Variants in ERBB4 observed in about 807,000 individuals in gnomAD.
The protein encoded by ERBB4 is erb-b2 receptor tyrosine kinase 4.
A neutral mutation model predicts 158.0 loss-of-function variants in ERBB4; 42 were observed. That is an observed-to-expected ratio of 0.27 (90% CI 0.21 to 0.34). The LOEUF (loss-of-function observed/expected upper bound fraction) is 0.34, where lower values mean the gene tolerates loss of function less well. Among genes scored for constraint, ERBB4 ranks in the 10% least tolerant of loss-of-function variants. The pLI is 1.00. For synonymous variants in ERBB4, 583 were observed against 558.7 expected, an observed-to-expected ratio of 1.04 and a Z score of -0.61; for missense variants, 1,333 against 1,624.1, an observed-to-expected ratio of 0.82 and a Z score of 3.08.
At chr2:211,977,531 T>TTAAAAAAAAAAAAA (rs1445827351) in intron 2 of ERBB4, among the ~76,000 whole-genome samples, 2 of 67,594 alleles carry the variant, frequency 3.0e-5, no homozygotes, top group African/African-American at 9.7e-5. Flanking sequence ...ATATTGACTT[T>TTAAAAAAAAAAAAA]AAAAAAAAAA....
intron 19 of ERBB4, among the ~76,000 whole-genome samples, chr2:211,594,466 A>AT (rs1289394831): frequency 6.6e-6 from 1 of 152,028 alleles, no homozygotes; most frequent in Admixed American, 6.6e-5. Flanking sequence ...AAAAAAAAAA[A>AT]CTAAGCAATA....
At chr2:212,389,791 T>C (rs73060373) in intron 1 of ERBB4, among the ~76,000 whole-genome samples, 3,462 of 152,068 alleles carry the variant, frequency 0.023, 145 homozygotes, top group African/African-American at 0.079. Flanking sequence ...CTAAATTATA[T>C]TCAGAGCTTC....
intron 1 of ERBB4, among the ~76,000 whole-genome samples, chr2:212,239,186 C>T (rs1037976959): frequency 6.6e-6 from 1 of 152,184 alleles, no homozygotes; most frequent in African/African-American, 2.4e-5. Context: ...GATAAAACTA[C>T]AGGTGCATGC....
At chr2:211,463,522 T>C (rs1173700974) in intron 20 of ERBB4, among the ~76,000 whole-genome samples, 7 of 152,096 alleles carry the variant, frequency 4.6e-5, no homozygotes, top group African/African-American at 1.4e-4. Context: ...GATGGTAAAA[T>C]TGGGGCTGAT....
intron 1 of ERBB4, among the ~76,000 whole-genome samples, chr2:212,485,285 A>G (rs1689913076): frequency 6.6e-6 from 1 of 152,098 alleles, no homozygotes; most frequent in Admixed American, 6.6e-5. Context: ...CCAGTTCTTT[A>G]CAAAGGTAGA....
Position 212,035,375 on chromosome 2 carries a change from C to T in ERBB4, c.235-87759G>A, listed in dbSNP as rs553621824. Among the ~76,000 whole-genome samples, 4 of 152,298 alleles carry T rather than the reference C, an allele frequency of 2.6e-5. No homozygotes were observed. The East Asian group carries it at 5.8e-4, about 22-fold the overall frequency. On this transcript the variant is annotated intron_variant, in intron 2 of 27. Coordinates refer to ENST00000342788, the MANE Select transcript of ERBB4 (RefSeq NM_005235.3). Reference sequence around the variant, plus strand: ...GTTGCTTTAGAGCGCTATGACTTTGCATCTGCTAGTTCTCTCTGAGGTGTC... The same window carrying T: ...GTTGCTTTAGAGCGCTATGACTTTGTATCTGCTAGTTCTCTCTGAGGTGTC...
intron 3 of ERBB4, among the ~76,000 whole-genome samples, chr2:211,795,110 A>T (rs1339887286): frequency 6.6e-6 from 1 of 151,854 alleles, no homozygotes; most frequent in Non-Finnish European, 1.5e-5. Context: ...TTGCATATTA[A>T]AGTCATAATA....
In ERBB4 at chr2:211,380,893, T is replaced by C; in HGVS notation, c.*2722A>G. 3 of 232,056 alleles carry C rather than the reference T, an allele frequency of 1.3e-5. No individual in the cohort carries two copies. In the Admixed American group the frequency reaches 1.7e-4, roughly 13 times the overall value. The allele number at this position is 232,056 out of a possible 1,614,324, so 14.4% of individuals were successfully genotyped here. On this transcript the variant is annotated 3_prime_UTR_variant, in exon 28 of 28. Transcript: ENST00000342788. ...CTATTCATTTTTTCCTTCTCCAAAA[T>C]GAGTGATTCTGCTTTCTATAGCCCA...
At chr2:211,580,402 ACATCACTAATGATCAGGGAAATGC>A (rs2068031899) in intron 19 of ERBB4, among the ~76,000 whole-genome samples, 1 of 152,124 alleles carries the variant, frequency 6.6e-6, no homozygotes, top group Admixed American at 6.5e-5. Flanking sequence ...AAAATGCTCA[ACATCACTAATGATCAGGGAAATGC>A]AAATCAAAAG....
chr2:212,310,977 T>C (rs2087020151), intron 1 of ERBB4, among the ~76,000 whole-genome samples: 3 of 150,848 alleles, frequency 2.0e-5, no homozygotes, highest in South Asian at 2.1e-4. Flanking sequence ...GCATCTATTT[T>C]ACATGTAAAG....
intron 2 of ERBB4, among the ~76,000 whole-genome samples, chr2:212,112,174 C>T (rs1453183394): frequency 6.6e-6 from 1 of 152,104 alleles, no homozygotes; most frequent in African/African-American, 2.4e-5. Context: ...ACAGGCAGAT[C>T]TTTTGTAGAA....
At chr2:212,490,985 A>G (rs537435413) in intron 1 of ERBB4, among the ~76,000 whole-genome samples, 1 of 151,696 alleles carries the variant, frequency 6.6e-6, no homozygotes, top group East Asian at 1.9e-4. Flanking sequence ...GTCTAAACTG[A>G]TTTTTTTCAG....
At chr2:211,830,383 A>C (rs1295830944) in intron 3 of ERBB4, among the ~76,000 whole-genome samples, 1 of 152,168 alleles carries the variant, frequency 6.6e-6, no homozygotes, top group African/African-American at 2.4e-5. Context: ...CTACTTGGCC[A>C]AATAACTAAT....
At chr2:211,988,367 C>T (rs186985059) in intron 2 of ERBB4, among the ~76,000 whole-genome samples, 2 of 152,120 alleles carry the variant, frequency 1.3e-5, no homozygotes, top group Admixed American at 1.3e-4. Flanking sequence ...GAATACAAAT[C>T]CTAGCTACCT....
At chr2:211,810,237 G>C (rs2076717752) in intron 3 of ERBB4, among the ~76,000 whole-genome samples, 1 of 152,166 alleles carries the variant, frequency 6.6e-6, no homozygotes, top group Admixed American at 6.5e-5. Flanking sequence ...TCATGTCCTG[G>C]ATATCGTTGT....
intron 1 of ERBB4, among the ~76,000 whole-genome samples, chr2:212,352,442 AT>A (rs1360534971): frequency 6.6e-6 from 1 of 152,192 alleles, no homozygotes; most frequent in African/African-American, 2.4e-5. Flanking sequence ...AATAAAACTA[AT>A]AATTTATTAC....
chr2:212,261,115 C>T (rs536921079), intron 1 of ERBB4, among the ~76,000 whole-genome samples: 1 of 152,256 alleles, frequency 6.6e-6, no homozygotes, highest in Non-Finnish European at 1.5e-5. Context: ...TGAGAAGTCC[C>T]ACCTGAATGT....
intron 1 of ERBB4, among the ~76,000 whole-genome samples, chr2:212,140,196 A>AT (rs1175072136): frequency 6.6e-6 from 1 of 151,342 alleles, no homozygotes; most frequent in Non-Finnish European, 1.5e-5. Flanking sequence ...AAATAAAATA[A>AT]TAACCCTTAA....
At chr2:211,760,523 A>C (rs2075383755) in intron 4 of ERBB4, among the ~76,000 whole-genome samples, 1 of 152,240 alleles carries the variant, frequency 6.6e-6, no homozygotes, top group Non-Finnish European at 1.5e-5. Flanking sequence ...ATCAATGTAA[A>C]TTCTTGCATT....
Sources: gnomAD v4.1 joint callset for allele counts (sites outside exome capture counted in the v4.1 genomes callset) on GRCh38, gnomAD v4.1.1 for gene constraint, MANE v1.5 for transcripts, NCBI Gene and HGNC (gene_info 2026-07-23, HGNC 2026-07-21) for gene names.